The following MSI2 variants were observed in gnomAD, a reference collection of about 807,000 sequenced individuals.
MSI2 encodes musashi RNA binding protein 2, also known as RNA-binding protein Musashi homolog 2.
A neutral mutation model predicts 45.6 loss-of-function variants in MSI2; 17 were observed. The observed-to-expected ratio is 0.37, with a 90% CI of 0.26 to 0.56. The LOEUF (loss-of-function observed/expected upper bound fraction) is 0.56. MSI2 is among the 20% of genes least tolerant of loss of function. MSI2 has a pLI of 0.77. For synonymous variants in MSI2, 156 were observed against 158.2 expected (o/e 0.99, Z 0.11); for missense variants, 293 against 444.2 (o/e 0.66, Z 3.06).
intron 6 of MSI2, among the ~76,000 whole-genome samples, chr17:57,426,636 G>C (rs527677132): frequency 6.6e-6 from 1 of 152,292 alleles, no homozygotes; most frequent in Admixed American, 6.5e-5. Context: ...TGATGTACCA[G>C]GTGCTGAGGT....
At chr17:57,522,170 C>T (rs1304188483) in intron 6 of MSI2, 1 of 152,142 alleles carries the variant, frequency 6.6e-6, no homozygotes, top group Non-Finnish European at 1.5e-5. Context: ...AGCCGAGTCT[C>T]ACTCTTGTGG....
chr17:57,618,598 C>T (rs1907963274), intron 9 of MSI2, among the ~76,000 whole-genome samples: 1 of 152,240 alleles, frequency 6.6e-6, no homozygotes, highest in African/African-American at 2.4e-5. Context: ...GGCTGGAGTG[C>T]CGTGGCGCGA....
intron 6 of MSI2, among the ~76,000 whole-genome samples, chr17:57,413,180 C>T (rs1176459424): frequency 6.6e-6 from 1 of 152,240 alleles, no homozygotes; most frequent in East Asian, 1.9e-4. Context: ...CACTCTCTCT[C>T]TCTCTGTCTG....
intron 8 of MSI2, chr17:57,601,555 C>T (rs1176762082): frequency 6.6e-6 from 1 of 152,522 alleles, no homozygotes; most frequent in Non-Finnish European, 1.5e-5. Flanking sequence ...TTCAAGCGGC[C>T]TCCTGACGAG....
rs56962210 is a variant in MSI2 at position 57,362,949 on chromosome 17, G to C, written c.313-38430G>C. ...TGGTGTAGCCACTGTACAAAGCACT[G>C]TGGTAGTTTCTCAAAAAATTAAACA... On this transcript the variant is annotated intron_variant, in intron 5 of 13. Transcript: ENST00000284073. Among the ~76,000 whole-genome samples, 488 of 152,318 alleles carry C rather than the reference G, an allele frequency of 3.2e-3. 2 individuals carry two copies. The highest frequency in any genetic ancestry group is 0.011 in the African/African-American group (469 of 41,564).
intron 5 of MSI2, among the ~76,000 whole-genome samples, chr17:57,313,060 T>G (rs1210382076): frequency 6.6e-6 from 1 of 152,136 alleles, no homozygotes; most frequent in East Asian, 1.9e-4. Flanking sequence ...TTGACCAGGA[T>G]GGTCTTGATC....
chr17:57,269,067 G>A (rs1376375429), intron 5 of MSI2, among the ~76,000 whole-genome samples: 1 of 152,160 alleles, frequency 6.6e-6, no homozygotes, highest in African/African-American at 2.4e-5. Context: ...TTTTGAGGAA[G>A]GGCAATCTAA....
chr17:57,548,361 G>A (rs1330695002), intron 7 of MSI2, among the ~76,000 whole-genome samples: 1 of 152,140 alleles, frequency 6.6e-6, no homozygotes, highest in Admixed American at 6.6e-5. Flanking sequence ...TGTGTTATTG[G>A]GGTGGGAGTG....
intron 7 of MSI2, among the ~76,000 whole-genome samples, chr17:57,585,741 C>T (rs1056341954): frequency 1.3e-5 from 2 of 152,254 alleles, no homozygotes; most frequent in African/African-American, 4.8e-5. Context: ...CCAGCTGATA[C>T]CCCATCTCCC....
chr17:57,360,093 G>A lies in MSI2; in HGVS notation c.313-41286G>A, dbSNP rs561553527. Among the ~76,000 whole-genome samples the A allele has an allele frequency of 2.6e-5, 4 of 152,358 alleles. No individual in the cohort carries two copies. In the South Asian group the frequency reaches 8.3e-4, roughly 32 times the overall value. On this transcript the variant is annotated intron_variant, in intron 5 of 13. Transcript: ENST00000284073. ...GAGGGAGTGGCTGCCCAGAGCAGGC[G>A]AGGAGGCACTGGGGGTTGCACCCAT...
chr17:57,674,403 A>G (rs991681731), intron 11 of MSI2, among the ~76,000 whole-genome samples: 1 of 152,084 alleles, frequency 6.6e-6, no homozygotes, highest in Non-Finnish European at 1.5e-5. Flanking sequence ...CACACAAAAA[A>G]AGATCAAAAA....
At chr17:57,560,662 T>A (rs1256703933) in intron 7 of MSI2, among the ~76,000 whole-genome samples, 1 of 152,200 alleles carries the variant, frequency 6.6e-6, no homozygotes, top group Non-Finnish European at 1.5e-5. Flanking sequence ...AACACATGCC[T>A]GCTATTATTT....
chr17:57,620,336 C>T (rs925734022), intron 9 of MSI2, among the ~76,000 whole-genome samples: 1 of 152,272 alleles, frequency 6.6e-6, no homozygotes, highest in South Asian at 2.1e-4. Context: ...ATCTGAGATG[C>T]CATGGCTAGT....
At position 57,415,255 on chromosome 17, in the gene MSI2, A is replaced by G. The variant is rs569286234; in HGVS notation, c.405+13784A>G. Among the ~76,000 whole-genome samples the G allele has an allele frequency of 1.4e-4, 21 of 152,286 alleles. No homozygotes were observed. The East Asian group carries it at 2.1e-3, about 15-fold the overall frequency. ...TCCAACAACATTAAGCCACAGCACA[A>G]TCCTCCCTGATGTTGAGAAATCTGG... On this transcript the variant is annotated intron_variant, in intron 6 of 13. Transcript: ENST00000284073.
At chr17:57,435,085 A>C (rs2084667609) in intron 6 of MSI2, among the ~76,000 whole-genome samples, 2 of 152,030 alleles carry the variant, frequency 1.3e-5, no homozygotes, top group African/African-American at 4.8e-5. Context: ...GCTTGGGGCT[A>C]CTTTCTTTTT....
chr17:57,443,677 G>A (rs1283569467), intron 6 of MSI2, among the ~76,000 whole-genome samples: 1 of 152,144 alleles, frequency 6.6e-6, no homozygotes, highest in Non-Finnish European at 1.5e-5. Flanking sequence ...TGTTTGCTCT[G>A]CCCGTGTGAG....
intron 7 of MSI2, among the ~76,000 whole-genome samples, chr17:57,562,785 ATT>A (rs150782460): frequency 6.6e-6 from 1 of 151,298 alleles, no homozygotes. Context: ...CACACGGACT[ATT>A]TTTTTTTCCT....
chr17:57,681,184 T>G lies in MSI2; in HGVS notation c.*1667T>G, dbSNP rs1430531089. On this transcript the variant is annotated 3_prime_UTR_variant, in exon 14 of 14. Transcript: ENST00000284073. The stretch of plus-strand genomic sequence containing the variant: ...TTGCACATGTTTAACATTTGGCTGT[T>G]ATAATATATGGTCCTCGGTTGGGGA... 1 of 186,050 alleles carries G rather than the reference T, an allele frequency of 5.4e-6. No homozygotes were observed. The highest frequency in any genetic ancestry group is 1.1e-5 in the Non-Finnish European group (1 of 87,952). The allele number at this position is 186,050 out of a possible 1,614,324, so 11.5% of individuals were successfully genotyped here. A position where few individuals can be genotyped will look rare whatever the true frequency, so the allele number is the denominator to read the frequency against.
chr17:57,644,118 A>C (rs370119124), intron 10 of MSI2, among the ~76,000 whole-genome samples: 10 of 151,412 alleles, frequency 6.6e-5, no homozygotes, highest in African/African-American at 2.4e-4. Context: ...CATGGGAGTG[A>C]TGTGTTGGTA....
Sources: gnomAD v4.1 joint callset for allele counts (sites outside exome capture counted in the v4.1 genomes callset) on GRCh38, gnomAD v4.1.1 for gene constraint, MANE v1.5 for transcripts, NCBI Gene and HGNC (gene_info 2026-07-23, HGNC 2026-07-21) for gene names.